Variants in TMOD3 observed in about 807,000 individuals in gnomAD.
The protein encoded by TMOD3 is tropomodulin 3, also known as tropomodulin-3.
TMOD3 carries 20 observed loss-of-function variants against 39.2 expected under a neutral mutation model. The observed-to-expected ratio is 0.51, with a 90% CI of 0.36 to 0.74. TMOD3 has a LOEUF of 0.74. TMOD3 is among the 30% of genes least tolerant of loss of function. TMOD3 has a pLI of 0.00. For missense variants in TMOD3, 381 were observed against 412.8 expected, an observed-to-expected ratio of 0.92 and a Z score of 0.67; for synonymous variants, 143 against 145.8, an observed-to-expected ratio of 0.98 and a Z score of 0.14.
At position 51,911,843 on chromosome 15, in the gene TMOD3, G is replaced by T. The variant is rs1285555011; in HGVS notation, c.*3033G>T. 1 of 152,132 alleles carries T rather than the reference G, an allele frequency of 6.6e-6. No individual in the cohort carries two copies. Among genetic ancestry groups the T allele is most frequent in the Admixed American group, 6.5e-5 (1 of 15,278 alleles). The allele number at this position is 152,132 out of a possible 1,614,324, so 9.4% of individuals were successfully genotyped here. A position where few individuals can be genotyped will look rare whatever the true frequency, so the allele number is the denominator to read the frequency against. On this transcript the variant is annotated 3_prime_UTR_variant, in exon 10 of 10. Coordinates refer to ENST00000308580, the MANE Select transcript of TMOD3 (RefSeq NM_014547.5). The stretch of plus-strand genomic sequence containing the variant: ...AGCTAAAGCCTAGTAGAATTCTCAA[G>T]AATAGGTGAAATACACTTTCAAAGT...
At chr15:51,876,971 G>C (rs2056507581) in intron 3 of TMOD3, among the ~76,000 whole-genome samples, 1 of 152,082 alleles carries the variant, frequency 6.6e-6, no homozygotes, top group South Asian at 2.1e-4. Context: ...GCTGAGGTGG[G>C]AGGATGGCTT....
intron 1 of TMOD3, chr15:51,861,364 T>C: frequency 5.0e-6 from 1 of 198,152 alleles, no homozygotes; most frequent in Non-Finnish European, 1.1e-5. Context: ...CCCATTTGCT[T>C]GTTGTTGGAC....
chr15:51,903,140 C>G (rs914354935), intron 9 of TMOD3, among the ~76,000 whole-genome samples: 7 of 152,210 alleles, frequency 4.6e-5, no homozygotes, highest in African/African-American at 1.7e-4. Flanking sequence ...CCTAAAAGGA[C>G]TGTTGTGGAA....
Position 51,832,979 on chromosome 15 carries a change from A to G in TMOD3, c.-75+3143A>G, listed in dbSNP as rs567271793. On this transcript the variant is annotated intron_variant, in intron 1 of 9. Transcript: ENST00000308580. Reference sequence around the variant, plus strand: ...CTCTAGGCCGTGTGGCTAAAGCGCTATCATCCCTTGGTCATTGATAGTCCT... The same window carrying G: ...CTCTAGGCCGTGTGGCTAAAGCGCTGTCATCCCTTGGTCATTGATAGTCCT... Among the ~76,000 whole-genome samples the G allele has an allele frequency of 1.2e-3, 187 of 152,362 alleles. 1 individual carries two copies. Among genetic ancestry groups the G allele is most frequent in the Non-Finnish European group, 1.9e-3 (126 of 68,038 alleles).
At chr15:51,867,943 G>T (rs1001417545) in intron 2 of TMOD3, among the ~76,000 whole-genome samples, 14 of 152,122 alleles carry the variant, frequency 9.2e-5, no homozygotes, top group African/African-American at 3.4e-4. Context: ...CAGTCCATGC[G>T]CTCAAAAAGG....
At chr15:51,896,091 A>G (rs2056619228) in intron 6 of TMOD3, among the ~76,000 whole-genome samples, 1 of 152,168 alleles carries the variant, frequency 6.6e-6, no homozygotes, top group Non-Finnish European at 1.5e-5. Context: ...CTGGGCAACA[A>G]GAGCAAAACT....
At chr15:51,876,126 A>G (rs2056501841) in intron 3 of TMOD3, among the ~76,000 whole-genome samples, 1 of 152,080 alleles carries the variant, frequency 6.6e-6, no homozygotes, top group African/African-American at 2.4e-5. Flanking sequence ...GTCATGGTAT[A>G]TCTTTTCTAT....
chr15:51,878,796 C>T (rs775362024), intron 3 of TMOD3, among the ~76,000 whole-genome samples: 10 of 152,104 alleles, frequency 6.6e-5, no homozygotes, highest in Non-Finnish European at 1.5e-4. Flanking sequence ...CACAAAGCCT[C>T]TTGGAGATTA....
Position 51,910,914 on chromosome 15 carries a change from G to C in TMOD3, c.*2104G>C, listed in dbSNP as rs2056707815. 6.6e-6 allele frequency: 1 copy of C among 151,982 alleles called. No homozygotes were observed. Among genetic ancestry groups the C allele is most frequent in the Non-Finnish European group, 1.5e-5 (1 of 67,994 alleles). The allele number at this position is 151,982 out of a possible 1,614,324, so 9.4% of individuals were successfully genotyped here. On this transcript the variant is annotated 3_prime_UTR_variant, in exon 10 of 10. Transcript: ENST00000308580. ...GCAAGGCTCACTTGCTTGCTTTCTT[G>C]CCTCCCTTGCCTCCATCCCTCTCCC...
At position 51,911,036 on chromosome 15, in the gene TMOD3, A is replaced by T. The variant is rs1473067572; in HGVS notation, c.*2226A>T. ...CAGCTTTTTGATTGTACTTGATTTT[A>T]TAGAGACTGCACAGTTCCAGCAAGA... On this transcript the variant is annotated 3_prime_UTR_variant, in exon 10 of 10. Transcript: ENST00000308580. The T allele has an allele frequency of 6.6e-6, 1 of 150,642 alleles. No individual in the cohort carries two copies. Among genetic ancestry groups the T allele is most frequent in the Non-Finnish European group, 1.5e-5 (1 of 67,826 alleles). The allele number at this position is 150,642 out of a possible 1,614,324, so 9.3% of individuals were successfully genotyped here. A position where few individuals can be genotyped will look rare whatever the true frequency, so the allele number is the denominator to read the frequency against.
intron 1 of TMOD3, 63 bp from the exon 2 acceptor site, chr15:51,862,748 A>C: frequency 4.4e-6 from 3 of 688,388 alleles, no homozygotes; most frequent in African/African-American, 1.8e-5. Flanking sequence ...TAACCTGAGA[A>C]TTAGATCTAA....
intron 2 of TMOD3, 141 bp from the exon 3 acceptor site, chr15:51,869,076 C>A (rs981636192): frequency 5.0e-6 from 4 of 794,744 alleles, no homozygotes; most frequent in African/African-American, 3.5e-5. Context: ...TTGTACATTG[C>A]TGTCCTAAAA....
rs111580779 is a variant in TMOD3 at position 51,876,912 on chromosome 15, A to C, written c.283+7539A>C. ...CGTGCCTCTACTAAAAATGAAAAAA[A>C]GTTAGCTGGATGCGGTGGTGTGTGC... On this transcript the variant is annotated intron_variant, in intron 3 of 9. Transcript: ENST00000308580. 7.5e-3 allele frequency among the ~76,000 whole-genome samples: 1,145 copies of C among 152,222 alleles called. 17 individuals carry two copies. Among genetic ancestry groups the C allele is most frequent in the African/African-American group, 0.027 (1,103 of 41,528 alleles).
intron 6 of TMOD3, among the ~76,000 whole-genome samples, chr15:51,895,129 C>A (rs1252089833): frequency 6.6e-6 from 1 of 151,836 alleles, no homozygotes; most frequent in Non-Finnish European, 1.5e-5. Context: ...GGGAAGGAAG[C>A]TTCTGTGCTC....
rs572300494 is a variant in TMOD3 at position 51,902,552 on chromosome 15, C to T, written c.1024+516C>T. Among the ~76,000 whole-genome samples, 338 of 151,848 alleles carry T rather than the reference C, an allele frequency of 2.2e-3. 1 individual carries two copies. The highest frequency in any genetic ancestry group is 8.0e-3 in the African/African-American group (331 of 41,416). ...GTGGCGCCATCTCGGCACACTGCAA[C>T]CTCCGCCTCCCAGGTTCAAGTGATT... On this transcript the variant is annotated intron_variant, in intron 9 of 9. Coordinates refer to ENST00000308580, the MANE Select transcript of TMOD3 (RefSeq NM_014547.5).
intron 1 of TMOD3, chr15:51,861,065 A>T (rs12908091): frequency 3.6e-4 from 253 of 703,672 alleles, no homozygotes; most frequent in Non-Finnish European, 5.2e-4. Flanking sequence ...TCTTAAATGA[A>T]TATCCAATGC....
Position 51,900,316 on chromosome 15 carries a change from A to C in TMOD3, c.879+18A>C, listed in dbSNP as rs756956478. 6.2e-7 allele frequency: 1 copy of C among 1,613,384 alleles called. No homozygotes were observed. Among genetic ancestry groups the C allele is most frequent in the Admixed American group, 1.7e-5 (1 of 59,890 alleles). ...ACAATCAGGTCAATGTTCTACAATA[A>C]TAACGTCGAGGAAGCTACAGCCCAC... On this transcript the variant is annotated intron_variant, in intron 8 of 9. Transcript: ENST00000308580.
intron 1 of TMOD3, among the ~76,000 whole-genome samples, chr15:51,861,611 C>T (rs182040987): frequency 9.5e-4 from 143 of 151,228 alleles, no homozygotes; most frequent in Non-Finnish European, 1.5e-3. Context: ...AAAACGTAAC[C>T]AAATCACTAA....
chr15:51,834,294 T>G (rs1220454780), intron 1 of TMOD3, among the ~76,000 whole-genome samples: 3 of 152,204 alleles, frequency 2.0e-5, no homozygotes. Context: ...TTATAAAGTC[T>G]GTTTTATCAA....
Sources: gnomAD v4.1 joint callset for allele counts (sites outside exome capture counted in the v4.1 genomes callset) on GRCh38, gnomAD v4.1.1 for gene constraint, MANE v1.5 for transcripts, NCBI Gene and HGNC (gene_info 2026-07-23, HGNC 2026-07-21) for gene names.